Variants in CARS2 observed in about 807,000 individuals in gnomAD.
CARS2 encodes probable cysteine--tRNA ligase, mitochondrial.
In CARS2, 52 loss-of-function variants were observed where a neutral mutation model predicts 68.8. The observed-to-expected ratio is 0.76, with a 90% CI of 0.61 to 0.95. CARS2 has a LOEUF of 0.95. Among genes scored for constraint, CARS2 ranks in the 40% least tolerant of loss-of-function variants. The pLI, the probability that CARS2 is intolerant of heterozygous loss-of-function variation, is 0.00. For synonymous variants in CARS2, 314 were observed against 303.6 expected (o/e 1.03, Z -0.36); for missense variants, 780 against 754.2 (o/e 1.03, Z -0.40).
chr13:110,648,008 G>C (rs955935436), intron 10 of CARS2, among the ~76,000 whole-genome samples: 1 of 152,164 alleles, frequency 6.6e-6, no homozygotes, highest in African/African-American at 2.4e-5. Context: ...AGAATAAAAA[G>C]AGCCTATCTG....
At chr13:110,661,283 G>A (rs1201228251) in intron 9 of CARS2, among the ~76,000 whole-genome samples, 1 of 152,146 alleles carries the variant, frequency 6.6e-6, no homozygotes, top group African/African-American at 2.4e-5. Context: ...TGTTTAGTGT[G>A]GCCACCTTCA....
intron 3 of CARS2, chr13:110,688,639 TGGG>T (rs1253658407): frequency 6.6e-6 from 1 of 151,702 alleles, no homozygotes; most frequent in Non-Finnish European, 1.5e-5. Flanking sequence ...CTGGGTGTTG[TGGG>T]TCATAGCTAT....
In CARS2 at chr13:110,653,055, C is replaced by T. The variant is rs1253097002; in HGVS notation, c.988-1955G>A. Reference sequence around the variant, plus strand: ...GAGCTAACCGCTGAGTCAAGCAGAGCCCCCGCTCCTCTACTTCAGTATCAT... The same window carrying T: ...GAGCTAACCGCTGAGTCAAGCAGAGTCCCCGCTCCTCTACTTCAGTATCAT... On this transcript the variant is annotated intron_variant, in intron 9 of 14. Coordinates refer to ENST00000257347, the MANE Select transcript of CARS2 (RefSeq NM_024537.4). This position sits in a 1 kb window ranked among gnomAD's most constrained non-coding sequence, Gnocchi z 5.6. Among the ~76,000 whole-genome samples, 5 of 152,112 alleles carry T rather than the reference C, an allele frequency of 3.3e-5. No homozygotes were observed. Among genetic ancestry groups the T allele is most frequent in the African/African-American group, 1.2e-4 (5 of 41,408 alleles).
At chr13:110,695,923 C>A (rs2063611152) in intron 3 of CARS2, among the ~76,000 whole-genome samples, 1 of 152,072 alleles carries the variant, frequency 6.6e-6, no homozygotes, top group South Asian at 2.1e-4. Context: ...ACTATCCCTC[C>A]CCTAGCCCCC....
At position 110,651,004 on chromosome 13, in the gene CARS2, G is replaced by T. The variant is rs548292341; in HGVS notation, c.1054+30C>A. 4 of 1,548,322 alleles carry T rather than the reference G, an allele frequency of 2.6e-6. No homozygotes were observed. The African/African-American group carries it at 5.5e-5, about 21-fold the overall frequency. ...AGAATGACTGTCTCCGAGCTGGGGGGGGAGTCCACTCCACGTGTGCTCGGC... is the reference window on the plus strand; with the variant it reads ...AGAATGACTGTCTCCGAGCTGGGGGTGGAGTCCACTCCACGTGTGCTCGGC... On this transcript the variant is annotated intron_variant, in intron 10 of 14. Coordinates refer to ENST00000257347, the MANE Select transcript of CARS2 (RefSeq NM_024537.4).
At chr13:110,658,583 A>C (rs1358657069) in intron 9 of CARS2, among the ~76,000 whole-genome samples, 1 of 152,224 alleles carries the variant, frequency 6.6e-6, no homozygotes, top group African/African-American at 2.4e-5. Context: ...AACCTTGATC[A>C]ACTCCTCGTT....
At chr13:110,675,988 T>G (rs1207471706) in intron 7 of CARS2, among the ~76,000 whole-genome samples, 4 of 152,282 alleles carry the variant, frequency 2.6e-5, no homozygotes, top group South Asian at 2.1e-4. Context: ...AAATCCCGTC[T>G]CTACTAAAAA....
chr13:110,700,592 G>A (rs567057325), intron 3 of CARS2, among the ~76,000 whole-genome samples: 10 of 152,202 alleles, frequency 6.6e-5, no homozygotes, highest in Admixed American at 3.3e-4. Flanking sequence ...ATCTCAAATC[G>A]CTTCAAATAA....
intron 2 of CARS2, 59 bp from the exon 3 acceptor site, chr13:110,701,614 A>T (rs1398376240): frequency 1.1e-5 from 9 of 829,622 alleles, no homozygotes; most frequent in Non-Finnish European, 1.9e-5. Flanking sequence ...TTATCTTTGT[A>T]AAAAATCCAT....
chr13:110,688,403 C>G (rs544678406), intron 3 of CARS2, among the ~76,000 whole-genome samples: 1 of 152,114 alleles, frequency 6.6e-6, no homozygotes, highest in African/African-American at 2.4e-5. Flanking sequence ...CAGCCATGAT[C>G]GTGCCACTGC....
intron 6 of CARS2, among the ~76,000 whole-genome samples, chr13:110,680,986 C>T (rs1354620995): frequency 3.3e-5 from 5 of 152,216 alleles, no homozygotes; most frequent in African/African-American, 9.6e-5. Flanking sequence ...CAGGTGCCTT[C>T]GCTCCCTTGC....
At chr13:110,664,258 G>A in intron 8 of CARS2, 2 of 945,912 alleles carry the variant, frequency 2.1e-6, no homozygotes, top group Non-Finnish European at 2.5e-6. Context: ...CGTAATACCA[G>A]CCCTTTGGGA....
intron 9 of CARS2, among the ~76,000 whole-genome samples, chr13:110,656,800 C>T (rs1442768016): frequency 2.6e-5 from 4 of 151,840 alleles, no homozygotes; most frequent in African/African-American, 9.7e-5. Context: ...AGGAGAATGG[C>T]GTGAACCCGG....
At chr13:110,658,165 G>C (rs1326966417) in intron 9 of CARS2, among the ~76,000 whole-genome samples, 1 of 152,154 alleles carries the variant, frequency 6.6e-6, no homozygotes, top group Non-Finnish European at 1.5e-5. Flanking sequence ...TAGAAACCTA[G>C]AAAGAACAAT....
At chr13:110,647,018 C>A in intron 11 of CARS2, 83 bp downstream of exon 11, 1 of 1,446,882 alleles carries the variant, frequency 6.9e-7, no homozygotes, top group Non-Finnish European at 9.1e-7. Flanking sequence ...CCTGGGGGCC[C>A]CTCTTCCCCT....
Position 110,668,794 on chromosome 13 carries a change from G to A in CARS2, c.786-1321C>T, listed in dbSNP as rs930677902. Among the ~76,000 whole-genome samples the A allele has an allele frequency of 6.6e-5, 10 of 152,084 alleles. No homozygotes were observed. The highest frequency in any genetic ancestry group is 1.3e-4 in the Admixed American group (2 of 15,282). ...TGTTAGTTTCGCTCCTGATCTCTAC[G>A]TTACACCTATTTTAAAATCAGAGAA... On this transcript the variant is annotated intron_variant, in intron 7 of 14. Transcript: ENST00000257347. The surrounding 1 kb of genome is among the most constrained non-coding windows in gnomAD (Gnocchi z 4.1).
intron 11 of CARS2, chr13:110,646,374 G>C: frequency 3.7e-6 from 1 of 268,756 alleles, no homozygotes; most frequent in South Asian, 7.0e-5. Flanking sequence ...AAAATCAATA[G>C]ATATTGAGGG....
chr13:110,658,264 A>T (rs1256491316), intron 9 of CARS2, among the ~76,000 whole-genome samples: 1 of 152,244 alleles, frequency 6.6e-6, no homozygotes, highest in Non-Finnish European at 1.5e-5. Context: ...AAGTGAAATA[A>T]GCCAGTCACA....
At chr13:110,651,165 ATG>A in intron 9 of CARS2, 65 bp from the exon 10 acceptor site, 1 of 1,116,814 alleles carries the variant, frequency 9.0e-7, no homozygotes, top group South Asian at 1.3e-5. Flanking sequence ...TTCAGAGAAT[ATG>A]TTACTTTCTA....
Sources: allele counts gnomAD v4.1 joint callset (sites outside exome capture counted in the v4.1 genomes callset), GRCh38; gene constraint gnomAD v4.1.1; non-coding constraint Gnocchi (gnomAD v3.1); transcripts MANE v1.5; gene names NCBI Gene and HGNC (gene_info 2026-07-23, HGNC 2026-07-21).